The following NEGR1 variants were observed in gnomAD, a reference collection of about 807,000 sequenced individuals.
The protein encoded by NEGR1 is IgLON family member 4.
A neutral mutation model predicts 40.9 loss-of-function variants in NEGR1; 10 were observed. The observed-to-expected ratio is 0.24, with a 90% CI of 0.15 to 0.42. The LOEUF is 0.42. Among genes scored for constraint, NEGR1 ranks in the 10% least tolerant of loss-of-function variants. The probability of loss-of-function intolerance (pLI) is 1.00; values close to 1 mark genes in which losing one functional copy is unlikely to be tolerated. For missense variants in NEGR1, 352 were observed against 438.9 expected, an observed-to-expected ratio of 0.80 and a Z score of 1.77; for synonymous variants, 185 against 166.8, an observed-to-expected ratio of 1.11 and a Z score of -0.84.
Position 72,152,214 on chromosome 1 carries a change from T to C in NEGR1, c.176+130105A>G, listed in dbSNP as rs572589613. Among the ~76,000 whole-genome samples the C allele has an allele frequency of 7.2e-5, 11 of 151,942 alleles. No individual in the cohort carries two copies. The East Asian group carries it at 1.9e-3, about 27-fold the overall frequency. ...AAAAAGTAAACAAATGAAAGGAATA[T>C]TAAAATAATTATACATTCAAAAATT... On this transcript the variant is annotated intron_variant, in intron 1 of 6. Transcript: ENST00000357731.
At chr1:72,239,905 A>G (rs537510297) in intron 1 of NEGR1, among the ~76,000 whole-genome samples, 3 of 151,972 alleles carry the variant, frequency 2.0e-5, no homozygotes, top group African/African-American at 4.8e-5. Flanking sequence ...GAAATATTCT[A>G]TGAAATGGTA....
intron 6 of NEGR1, among the ~76,000 whole-genome samples, chr1:71,579,469 T>C (rs1422846831): frequency 3.3e-5 from 5 of 152,184 alleles, no homozygotes; most frequent in Admixed American, 1.3e-4. Context: ...ACATTACTGG[T>C]TAATCTTATG....
intron 2 of NEGR1, among the ~76,000 whole-genome samples, chr1:71,818,132 G>A (rs1194692138): frequency 1.3e-5 from 2 of 151,900 alleles, no homozygotes; most frequent in East Asian, 1.9e-4. Flanking sequence ...ACGGTGTAGC[G>A]ATTCCTCAAA....
At chr1:71,922,765 C>G (rs1233081898) in intron 2 of NEGR1, among the ~76,000 whole-genome samples, 3 of 152,130 alleles carry the variant, frequency 2.0e-5, no homozygotes, top group Non-Finnish European at 4.4e-5. Flanking sequence ...TTGGACACTT[C>G]AAGAAATATA....
intron 6 of NEGR1, among the ~76,000 whole-genome samples, chr1:71,454,706 T>C (rs1646658551): frequency 6.6e-6 from 1 of 152,234 alleles, no homozygotes. Context: ...CATCACTTAC[T>C]AATTATGTAA....
chr1:72,065,276 T>C (rs1647245630), intron 1 of NEGR1, among the ~76,000 whole-genome samples: 1 of 152,108 alleles, frequency 6.6e-6, no homozygotes, highest in South Asian at 2.1e-4. Flanking sequence ...TACCTGCTTT[T>C]GAATCTCCCA....
chr1:72,075,732 G>T (rs1188000434), intron 1 of NEGR1, among the ~76,000 whole-genome samples: 6 of 152,152 alleles, frequency 3.9e-5, no homozygotes, highest in African/African-American at 1.2e-4. Context: ...TTGTCAACAT[G>T]CTGGAAAGTG....
intron 2 of NEGR1, among the ~76,000 whole-genome samples, chr1:71,811,275 C>A (rs886323231): frequency 6.6e-6 from 1 of 152,100 alleles, no homozygotes; most frequent in African/African-American, 2.4e-5. Context: ...ATTTTTATAG[C>A]AACTCTTGAG....
At chr1:71,657,885 C>A (rs1397596949) in intron 4 of NEGR1, among the ~76,000 whole-genome samples, 1 of 152,158 alleles carries the variant, frequency 6.6e-6, no homozygotes, top group East Asian at 1.9e-4. Context: ...ATAACTATAG[C>A]AGCACAGCAG....
At chr1:71,437,956 A>G (rs951645377) in intron 6 of NEGR1, among the ~76,000 whole-genome samples, 4 of 152,192 alleles carry the variant, frequency 2.6e-5, no homozygotes, top group Non-Finnish European at 4.4e-5. Context: ...AAGAACTCTT[A>G]TTATTAGCAG....
chr1:71,696,171 TTCTA>T (rs1199158996), intron 4 of NEGR1, among the ~76,000 whole-genome samples: 3 of 151,940 alleles, frequency 2.0e-5, no homozygotes, highest in South Asian at 2.1e-4. Context: ...ATAGACTCTC[TTCTA>T]TCTATTTAGT....
At chr1:71,940,633 T>C (rs1645949876) in intron 1 of NEGR1, among the ~76,000 whole-genome samples, 1 of 152,158 alleles carries the variant, frequency 6.6e-6, no homozygotes, top group South Asian at 2.1e-4. Flanking sequence ...AGGATGTTAC[T>C]ACGCATTAGG....
At chr1:72,234,430 G>A (rs540722824) in intron 1 of NEGR1, among the ~76,000 whole-genome samples, 5 of 152,110 alleles carry the variant, frequency 3.3e-5, no homozygotes, top group African/African-American at 1.2e-4. Context: ...AATGGGATCT[G>A]GGACCTAATT....
Position 71,927,818 on chromosome 1 carries a change from T to TAAAAAAAAAAAAAAAAAAAAAAAA in NEGR1, c.409+7237_409+7260dup, listed in dbSNP as rs35429988. Among the ~76,000 whole-genome samples the TAAAAAAAAAAAAAAAAAAAAAAAA allele has an allele frequency of 8.9e-5, 2 of 22,448 alleles. 1 individual carries two copies. Among genetic ancestry groups the TAAAAAAAAAAAAAAAAAAAAAAAA allele is most frequent in the African/African-American group, 3.9e-4 (2 of 5,096 alleles). The allele number at this position is 22,448 out of a possible 152,430, so 14.7% of individuals were successfully genotyped here. ...GGGCAACATGGCAAGACCCAATCTC[T>TAAAAAAAAAAAAAAAAAAAAAAAA]AAAAAAAAAAAAAAAAAAAAAAAAA... On this transcript the variant is annotated intron_variant, in intron 2 of 6. Transcript: ENST00000357731.
chr1:71,510,804 C>T (rs372175856), intron 6 of NEGR1, among the ~76,000 whole-genome samples: 10 of 152,278 alleles, frequency 6.6e-5, no homozygotes, highest in South Asian at 2.1e-4. Context: ...GTCTCACTTC[C>T]GCTATACTTT....
At chr1:71,989,664 C>T (rs1646432628) in intron 1 of NEGR1, among the ~76,000 whole-genome samples, 2 of 152,090 alleles carry the variant, frequency 1.3e-5, no homozygotes, top group South Asian at 4.1e-4. Context: ...ATAAATTGCA[C>T]CAGTAAGTAC....
chr1:71,713,808 A>G (rs958441913), intron 3 of NEGR1, among the ~76,000 whole-genome samples: 5 of 152,234 alleles, frequency 3.3e-5, no homozygotes, highest in Admixed American at 6.5e-5. Context: ...AAGGAAGTAT[A>G]CATATAACAC....
intron 6 of NEGR1, among the ~76,000 whole-genome samples, chr1:71,505,442 A>C (rs980904535): frequency 1.3e-5 from 2 of 151,960 alleles, no homozygotes; most frequent in African/African-American, 2.4e-5. Flanking sequence ...CCACTGCGCC[A>C]GACTAATTTT....
Position 72,282,413 on chromosome 1 carries a change from G to C in NEGR1, c.82C>G (p.Leu28Val). 1 of 1,613,872 alleles carries C rather than the reference G, an allele frequency of 6.2e-7. No individual in the cohort carries two copies. Among genetic ancestry groups the C allele is most frequent in the Non-Finnish European group, 8.5e-7 (1 of 1,179,970 alleles). ...TGTCCAGCCGGGAGGCAGGAGGGTA[G>C]CAGGCAGCACAGGCTGAGGAGCACC... is the stretch of plus-strand genomic sequence containing the variant. ...AAVLLSLCCL[L>V]PSCLPAGQSV... The change falls in exon 1 of 7, where the codon CTA (leucine) becomes GTA (valine). Residue 28 changes from leucine to valine, a missense_variant. Physicochemically the swap from Leu to Val is conservative, Grantham distance 32. This residue lies in a region of NEGR1 where 81 missense variants were observed against 85.8 expected (regional missense o/e 0.94). Coordinates refer to ENST00000357731, the MANE Select transcript of NEGR1 (RefSeq NM_173808.3).
Sources: allele counts gnomAD v4.1 joint callset (sites outside exome capture counted in the v4.1 genomes callset), GRCh38; gene constraint gnomAD v4.1.1; regional missense constraint gnomAD v4.1.1; transcripts MANE v1.5; gene names NCBI Gene and HGNC (gene_info 2026-07-23, HGNC 2026-07-21).